Variants in MAPKAP1 observed in about 807,000 individuals in gnomAD.
MAPKAP1 encodes the protein MAPK associated protein 1, also known as target of rapamycin complex 2 subunit MAPKAP1.
MAPKAP1 carries 20 observed loss-of-function variants against 65.7 expected under a neutral mutation model. The ratio of observed to expected loss-of-function variants is 0.30; its 90% CI spans 0.21 to 0.44. The LOEUF (loss-of-function observed/expected upper bound fraction) is 0.44. Ranked by LOEUF, MAPKAP1 falls within the 20% of genes least tolerant of loss-of-function variation. The probability of loss-of-function intolerance (pLI) is 1.00; values close to 1 mark genes in which losing one functional copy is unlikely to be tolerated. For synonymous variants in MAPKAP1, 222 were observed against 244.3 expected (o/e 0.91, Z 0.85); for missense variants, 423 against 648.0 (o/e 0.65, Z 3.77).
At chr9:125,521,411 T>G (rs940603114) in intron 7 of MAPKAP1, 4 of 1,006,674 alleles carry the variant, frequency 4.0e-6, no homozygotes, top group Non-Finnish European at 4.8e-6. Flanking sequence ...TGAGTCACTG[T>G]GACAATACCA....
At chr9:125,480,252 T>A (rs1343819012) in intron 9 of MAPKAP1, among the ~76,000 whole-genome samples, 1 of 152,210 alleles carries the variant, frequency 6.6e-6, no homozygotes, top group Non-Finnish European at 1.5e-5. Context: ...GGGCAGTCTG[T>A]CTGATTGTCA....
At chr9:125,468,188 G>T in intron 9 of MAPKAP1, 79 bp from the exon 10 acceptor site, 2 of 1,475,422 alleles carry the variant, frequency 1.4e-6, no homozygotes, top group Non-Finnish European at 1.9e-6. Flanking sequence ...CATTTGACCT[G>T]TTTTATAAAT....
Position 125,494,217 on chromosome 9 carries a change from T to TA in MAPKAP1, c.1067-9635dup, listed in dbSNP as rs535989456. Among the ~76,000 whole-genome samples, 724 of 152,278 alleles carry TA rather than the reference T, an allele frequency of 4.8e-3. 6 individuals carry two copies. Among genetic ancestry groups the TA allele is most frequent in the Non-Finnish European group, 7.6e-3 (519 of 68,020 alleles). ...CATAAGCCCAAAACTTCTCTTCTATTAAACACTTCCCTTTGGCTACTAGTT... is the reference window on the plus strand; with the variant it reads ...CATAAGCCCAAAACTTCTCTTCTATTAAAACACTTCCCTTTGGCTACTAGTT... On this transcript the variant is annotated intron_variant, in intron 8 of 11. Coordinates refer to ENST00000265960, the MANE Select transcript of MAPKAP1 (RefSeq NM_001006617.3).
intron 7 of MAPKAP1, among the ~76,000 whole-genome samples, chr9:125,542,316 T>A (rs77028640): frequency 1.3e-5 from 2 of 152,182 alleles, no homozygotes; most frequent in East Asian, 3.8e-4. Flanking sequence ...CCAGCAATGC[T>A]TTTTTTCCTT....
At chr9:125,577,600 CGGG>C in intron 5 of MAPKAP1, among the ~76,000 whole-genome samples, 1 of 102,458 alleles carries the variant, frequency 9.8e-6, no homozygotes, top group African/African-American at 3.6e-5. Context: ...CCGCCCCGTC[CGGG>C]AGGGAGGTGG....
At chr9:125,652,097 C>T (rs150679200) in intron 4 of MAPKAP1, 13 of 1,257,930 alleles carry the variant, frequency 1.0e-5, no homozygotes, top group Admixed American at 9.0e-5. Context: ...TTTCTTTTTA[C>T]GTGATTTCAA....
chr9:125,702,468 A>G (rs1835630267), intron 1 of MAPKAP1, among the ~76,000 whole-genome samples: 1 of 151,916 alleles, frequency 6.6e-6, no homozygotes, highest in African/African-American at 2.4e-5. Flanking sequence ...CAGGAGGTGG[A>G]GGTTGCAGTG....
intron 8 of MAPKAP1, among the ~76,000 whole-genome samples, chr9:125,500,641 C>A (rs1828948510): frequency 6.6e-6 from 1 of 152,032 alleles, no homozygotes; most frequent in African/African-American, 2.4e-5. Context: ...ATGGAAGAAA[C>A]CAGGAACAAT....
intron 8 of MAPKAP1, among the ~76,000 whole-genome samples, chr9:125,491,210 G>A (rs1474767064): frequency 1.3e-5 from 2 of 151,398 alleles, no homozygotes; most frequent in African/African-American, 4.9e-5. Flanking sequence ...TTGGGAGGCT[G>A]AGGTGGGTGG....
At chr9:125,450,891 C>A (rs1174733014) in intron 10 of MAPKAP1, among the ~76,000 whole-genome samples, 1 of 152,214 alleles carries the variant, frequency 6.6e-6, no homozygotes, top group Non-Finnish European at 1.5e-5. Context: ...CTCCTCTCCA[C>A]CGTAAGCAAC....
intron 4 of MAPKAP1, among the ~76,000 whole-genome samples, chr9:125,630,010 A>G (rs1242306443): frequency 6.6e-6 from 1 of 152,188 alleles, no homozygotes; most frequent in African/African-American, 2.4e-5. Flanking sequence ...AGTAGGATGG[A>G]AGTGCACTGA....
At chr9:125,507,077 T>C (rs1227716789) in intron 7 of MAPKAP1, among the ~76,000 whole-genome samples, 1 of 152,220 alleles carries the variant, frequency 6.6e-6, no homozygotes, top group Non-Finnish European at 1.5e-5. Flanking sequence ...ACATTTTTGT[T>C]GAAACATTTA....
chr9:125,597,021 T>C (rs1342273983), intron 4 of MAPKAP1, among the ~76,000 whole-genome samples: 1 of 150,126 alleles, frequency 6.7e-6, no homozygotes, highest in Non-Finnish European at 1.5e-5. Context: ...CCCAGCACTT[T>C]GGAGGCCAAG....
At position 125,468,131 on chromosome 9, in the gene MAPKAP1, C is replaced by T. The variant is rs897345698; in HGVS notation, c.1208-22G>A. ...ATACCTGTAAGCCAAGGTGAGGACACAAAAGAAAACACAAGAAGTAGAAGG... is the reference window on the plus strand; with the variant it reads ...ATACCTGTAAGCCAAGGTGAGGACATAAAAGAAAACACAAGAAGTAGAAGG... On this transcript the variant is annotated intron_variant, in intron 9 of 11. Coordinates refer to ENST00000265960, the MANE Select transcript of MAPKAP1 (RefSeq NM_001006617.3). The T allele has an allele frequency of 1.7e-5, 28 of 1,609,798 alleles. 1 individual carries two copies. The highest frequency in any genetic ancestry group is 2.2e-5 in the Non-Finnish European group (26 of 1,177,976).
chr9:125,683,558 T>C (rs142050823), intron 1 of MAPKAP1, among the ~76,000 whole-genome samples: 1 of 152,256 alleles, frequency 6.6e-6, no homozygotes, highest in African/African-American at 2.4e-5. Flanking sequence ...AGGAGGATCT[T>C]AGTCATATCA....
intron 4 of MAPKAP1, among the ~76,000 whole-genome samples, chr9:125,617,562 AAGCAACTGAAATGTCC>A (rs1422325165): frequency 6.6e-6 from 1 of 152,236 alleles, no homozygotes; most frequent in African/African-American, 2.4e-5. Flanking sequence ...CAATAACTGG[AAGCAACTGAAATGTCC>A]ATCAACAGTG....
At chr9:125,668,066 G>C (rs568196688) in intron 3 of MAPKAP1, among the ~76,000 whole-genome samples, 1 of 152,120 alleles carries the variant, frequency 6.6e-6, no homozygotes, top group Admixed American at 6.5e-5. Context: ...ACAAGTAATT[G>C]GGACTTCTGG....
chr9:125,546,912 C>T (rs945017705), intron 6 of MAPKAP1, among the ~76,000 whole-genome samples: 12 of 152,118 alleles, frequency 7.9e-5, no homozygotes, highest in African/African-American at 2.7e-4. Context: ...CTGTTTTCCC[C>T]CAGAGCAGGG....
At chr9:125,691,834 A>T (rs968499933) in intron 1 of MAPKAP1, among the ~76,000 whole-genome samples, 4 of 152,202 alleles carry the variant, frequency 2.6e-5, no homozygotes, top group African/African-American at 9.7e-5. Context: ...AGTCCTTGAG[A>T]GGAAAGGGCA....
Sources: gnomAD v4.1 joint callset for allele counts (sites outside exome capture counted in the v4.1 genomes callset) on GRCh38, gnomAD v4.1.1 for gene constraint, MANE v1.5 for transcripts, NCBI Gene and HGNC (gene_info 2026-07-23, HGNC 2026-07-21) for gene names.